Variants in DICER1 observed in about 807,000 individuals in gnomAD.
DICER1 encodes endoribonuclease Dicer.
Under a neutral mutation model 194.1 loss-of-function variants are expected in DICER1, and 43 were observed. The ratio of observed to expected loss-of-function variants is 0.22; its 90% CI spans 0.17 to 0.29. The LOEUF is 0.29. DICER1 is among the 10% of genes least tolerant of loss of function. The pLI is 1.00. For synonymous variants in DICER1, 832 were observed against 820.5 expected (o/e 1.01, Z -0.24); for missense variants, 1,608 against 2,317.0 (o/e 0.69, Z 6.28).
At chr14:95,108,587 T>C in intron 14 of DICER1, 84 bp from the exon 15 acceptor site, 2 of 1,262,350 alleles carry the variant, frequency 1.6e-6, no homozygotes, top group South Asian at 1.2e-5. Context: ...AAATTAATTC[T>C]GGCTTTACTA....
intron 5 of DICER1, 84 bp from the exon 6 acceptor site, chr14:95,129,716 A>C: frequency 3.9e-6 from 5 of 1,280,982 alleles, no homozygotes; most frequent in Non-Finnish European, 5.5e-6. Context: ...AAAACATATC[A>C]AAATCACTAA....
In DICER1 at chr14:95,126,849, T is replaced by TAA. The variant is rs201507736; in HGVS notation, c.735-103_735-102dup. ...AAAAAAAAAAAAAGGGAATAGATAC[T>TAA]AAAAAAAAAAAAAAATGCCAGAATG... On this transcript the variant is annotated intron_variant, in intron 6 of 26. Transcript: ENST00000343455. The TAA allele has an allele frequency of 0.02, 6,760 of 332,912 alleles. 370 individuals carry two copies. The highest frequency in any genetic ancestry group is 0.13 in the African/African-American group (5,240 of 39,218). The allele number at this position is 332,912 out of a possible 1,614,324, so 20.6% of individuals were successfully genotyped here. A position where few individuals can be genotyped will look rare whatever the true frequency, so the allele number is the denominator to read the frequency against.
chr14:95,095,431 C>T lies in DICER1; in HGVS notation c.5095+394G>A, dbSNP rs529970716. The T allele has an allele frequency of 2.2e-5, 5 of 227,846 alleles. No homozygotes were observed. The South Asian group carries it at 2.4e-4, about 11-fold the overall frequency. 14.1% of individuals were successfully genotyped at this position (227,846 alleles called of 1,614,324 possible). A position where few individuals can be genotyped will look rare whatever the true frequency, so the allele number is the denominator to read the frequency against. On this transcript the variant is annotated intron_variant, in intron 23 of 26. Transcript: ENST00000343455. ...GAGGGGTCTTTTTGTCCAGGAAGAA[C>T]AATAAAAGGCTGTGGAAATACATCC...
chr14:95,098,209 A>G (rs1470244911), intron 22 of DICER1, among the ~76,000 whole-genome samples: 2 of 152,194 alleles, frequency 1.3e-5, no homozygotes, highest in Non-Finnish European at 2.9e-5. Flanking sequence ...CTGTCTCATA[A>G]AATGTTTTTC....
At chr14:95,111,835 A>G (rs1344440547) in intron 13 of DICER1, among the ~76,000 whole-genome samples, 3 of 152,160 alleles carry the variant, frequency 2.0e-5, no homozygotes, top group Non-Finnish European at 4.4e-5. Flanking sequence ...CTATACTAGT[A>G]TAGACTAATT....
chr14:95,152,295 G>A (rs778999551), intron 1 of DICER1, among the ~76,000 whole-genome samples: 6 of 152,110 alleles, frequency 3.9e-5, no homozygotes, highest in Non-Finnish European at 8.8e-5. Context: ...ACCTCACAAA[G>A]CAAAAAGGAC....
Position 95,107,808 on chromosome 14 carries a change from A to G in DICER1, c.2651-47T>C, listed in dbSNP as rs368730742. Reference sequence around the variant, plus strand: ...TTTAGCTTGTTAAAACATGATACAGATAAGTTTCATACCAAAGCTGTATGT... The same window carrying G: ...TTTAGCTTGTTAAAACATGATACAGGTAAGTTTCATACCAAAGCTGTATGT... On this transcript the variant is annotated intron_variant, in intron 16 of 26. Coordinates refer to ENST00000343455, the MANE Select transcript of DICER1 (RefSeq NM_177438.3). 3.0e-5 allele frequency: 49 copies of G among 1,610,674 alleles called. No homozygotes were observed. The highest frequency in any genetic ancestry group is 9.9e-5 in the South Asian group (9 of 91,014).
At chr14:95,145,385 A>T (rs1015016260) in intron 1 of DICER1, among the ~76,000 whole-genome samples, 1 of 152,240 alleles carries the variant, frequency 6.6e-6, no homozygotes, top group African/African-American at 2.4e-5. Flanking sequence ...TGTATTCACT[A>T]GTTCTCTTGA....
At chr14:95,095,070 C>T (rs981850268) in intron 23 of DICER1, among the ~76,000 whole-genome samples, 3 of 152,190 alleles carry the variant, frequency 2.0e-5, no homozygotes, top group African/African-American at 7.2e-5. Context: ...TTGGTTTTTA[C>T]ATTTTGCTGA....
chr14:95,103,579 C>T lies in DICER1; in HGVS notation c.3817G>A (p.Gly1273Ser). ...GGGCTCTGCTCAGAATCCATCCTGC[C>T]CTTGAGCACTTGAATAGTGTCTGTC... ...GTTDTIQVLK[G>S]RMDSEQSPSI... Residue 1273 changes from glycine (G) to serine (S), a missense_variant, in exon 21 of 27, where the codon GGC (glycine) becomes AGC (serine). By Grantham distance (56) the Gly-to-Ser change is moderately conservative (BLOSUM62 0). This residue lies in a region of DICER1 where 222 missense variants were observed against 215.5 expected (regional missense o/e 1.03). Coordinates refer to ENST00000343455, the MANE Select transcript of DICER1 (RefSeq NM_177438.3). The T allele has an allele frequency of 6.2e-7, 1 of 1,614,162 alleles. No homozygotes were observed. Among genetic ancestry groups the T allele is most frequent in the Middle Eastern group, 1.6e-4 (1 of 6,062 alleles).
At chr14:95,137,380 G>A (rs1410922218) in intron 1 of DICER1, among the ~76,000 whole-genome samples, 1 of 143,194 alleles carries the variant, frequency 7.0e-6, no homozygotes, top group Non-Finnish European at 1.5e-5. Context: ...AGGGGGAAGG[G>A]GAAGGAAAAG....
intron 6 of DICER1, among the ~76,000 whole-genome samples, chr14:95,127,888 G>GT (rs1303935627): frequency 6.6e-6 from 1 of 152,200 alleles, no homozygotes; most frequent in Non-Finnish European, 1.5e-5. Flanking sequence ...AGGAACAAGG[G>GT]TGTTCAAAAT....
chr14:95,133,201 T>C, intron 2 of DICER1, 114 bp downstream of exon 2: 1 of 1,030,426 alleles, frequency 9.7e-7, no homozygotes, highest in South Asian at 1.3e-5. Context: ...AGAAAATTAA[T>C]CAGAAGTGGG....
intron 1 of DICER1, among the ~76,000 whole-genome samples, chr14:95,156,427 C>T (rs1036205303): frequency 6.6e-6 from 1 of 152,194 alleles, no homozygotes; most frequent in East Asian, 1.9e-4. Context: ...ACAAATAGGA[C>T]CCTCCAACTC....
intron 8 of DICER1, among the ~76,000 whole-genome samples, chr14:95,122,959 C>CACAAAGAAAGAAAG (rs147100923): frequency 0.067 from 9,971 of 149,388 alleles, 450 homozygotes; most frequent in African/African-American, 0.12. Context: ...CACACACACA[C>CACAAAGAAAGAAAG]AAAGAAAGAA....
Position 95,089,852 on chromosome 14 carries a change from T to C in DICER1, c.*646A>G. 1 of 232,668 alleles carries C rather than the reference T, an allele frequency of 4.3e-6. No homozygotes were observed. Among genetic ancestry groups the C allele is most frequent in the Non-Finnish European group, 8.5e-6 (1 of 117,518 alleles). The allele number at this position is 232,668 out of a possible 1,614,324, so 14.4% of individuals were successfully genotyped here. On this transcript the variant is annotated 3_prime_UTR_variant, in exon 27 of 27. Coordinates refer to ENST00000343455, the MANE Select transcript of DICER1 (RefSeq NM_177438.3). ...CACTTTTAAGGCAAGAACCCTTTTT[T>C]ATGCAAGACTATGTGGCATCAGAAA...
In DICER1 at chr14:95,122,298, C is replaced by T. The variant is rs117107813; in HGVS notation, c.1376+1898G>A. On this transcript the variant is annotated intron_variant, in intron 8 of 26. Coordinates refer to ENST00000343455, the MANE Select transcript of DICER1 (RefSeq NM_177438.3). ...ATACATGCAGAAAACAGGAGGAAGGCGGAAAATACACCCCCATTTCTTCTC... is the reference window on the plus strand; with the variant it reads ...ATACATGCAGAAAACAGGAGGAAGGTGGAAAATACACCCCCATTTCTTCTC... Among the ~76,000 whole-genome samples the T allele has an allele frequency of 9.9e-5, 15 of 152,252 alleles. No homozygotes were observed. In the East Asian group the frequency reaches 2.3e-3, roughly 23 times the overall value.
chr14:95,094,235 C>G (rs923795847), intron 23 of DICER1, 79 bp from the exon 24 acceptor site: 128 of 1,521,190 alleles, frequency 8.4e-5, no homozygotes, highest in Admixed American at 3.4e-5. Flanking sequence ...ATCCCCAAAT[C>G]CGAAGAAGAT....
intron 10 of DICER1, 45 bp downstream of exon 10, chr14:95,116,408 T>A (rs533528395): frequency 6.3e-7 from 1 of 1,593,970 alleles, no homozygotes; most frequent in Admixed American, 1.7e-5. Flanking sequence ...GCCACATTAA[T>A]TTTTTTTCCC....
Sources: allele counts gnomAD v4.1 joint callset (sites outside exome capture counted in the v4.1 genomes callset), GRCh38; gene constraint gnomAD v4.1.1; regional missense constraint gnomAD v4.1.1; transcripts MANE v1.5; gene names NCBI Gene and HGNC (gene_info 2026-07-23, HGNC 2026-07-21).